UBE2D3: variants seen among roughly 807,000 people sequenced by gnomAD.
UBE2D3 encodes the protein ubiquitin conjugating enzyme E2 D3.
UBE2D3 carries 2 observed loss-of-function variants against 22.8 expected under a neutral mutation model. The ratio of observed to expected loss-of-function variants is 0.09; its 90% CI spans 0.04 to 0.28. UBE2D3 has a LOEUF of 0.28. UBE2D3 is among the 10% of genes least tolerant of loss of function. The pLI is 1.00. For missense variants in UBE2D3, 27 were observed against 182.5 expected (o/e 0.15, Z 4.91); for synonymous variants, 56 against 60.4 (o/e 0.93, Z 0.34).
intron 6 of UBE2D3, among the ~76,000 whole-genome samples, chr4:102,801,124 G>A (rs1726090667): frequency 6.6e-6 from 1 of 151,844 alleles, no homozygotes; most frequent in Non-Finnish European, 1.5e-5. Context: ...TACCATTCTT[G>A]GTAAAAAGGC....
Position 102,826,581 on chromosome 4 carries a change from C to G in UBE2D3, c.-73G>C. 6.2e-7 allele frequency: 1 copy of G among 1,605,054 alleles called. No individual in the cohort carries two copies. The highest frequency in any genetic ancestry group is 1.1e-5 in the South Asian group (1 of 90,972). The stretch of plus-strand genomic sequence containing the variant: ...AGGTCCGGCCAAAACTCTTGATTAT[C>G]CCGGCGGCGGGGCAGGATTGTCTCG... On this transcript the variant is annotated 5_prime_UTR_variant, in exon 2 of 8. Coordinates refer to ENST00000453744, the MANE Select transcript of UBE2D3 (RefSeq NM_181891.3).
chr4:102,835,116 C>T (rs116683486), intron 1 of UBE2D3, among the ~76,000 whole-genome samples: 1,568 of 152,270 alleles, frequency 0.01, 34 homozygotes, highest in African/African-American at 0.035. Context: ...GAAGAAGCCT[C>T]ATTATGAGTA....
In UBE2D3 at chr4:102,868,743, A is replaced by G. The variant is rs774886186; in HGVS notation, c.-157T>C. On this transcript the variant is annotated 5_prime_UTR_variant, in exon 1 of 8. Transcript: ENST00000338145. ...TGAAAGGCACTTTCGGTTAGAAAGC[A>G]TTCTCACATGCTTATCTCATCGCAC... is the stretch of plus-strand genomic sequence containing the variant. 8 of 1,613,974 alleles carry G rather than the reference A, an allele frequency of 5.0e-6. No individual in the cohort carries two copies. In the Admixed American group the frequency reaches 5.0e-5, roughly 10 times the overall value.
Position 102,797,354 on chromosome 4 carries a change from G to C in UBE2D3, c.*61C>G. 7.1e-7 allele frequency: 1 copy of C among 1,415,406 alleles called. No homozygotes were observed. The highest frequency in any genetic ancestry group is 9.7e-7 in the Non-Finnish European group (1 of 1,032,750). The allele number at this position is 1,415,406 out of a possible 1,614,324, so 87.7% of individuals were successfully genotyped here. A position where few individuals can be genotyped will look rare whatever the true frequency, so the allele number is the denominator to read the frequency against. On this transcript the variant is annotated 3_prime_UTR_variant, in exon 8 of 8. Transcript: ENST00000453744. ...GCAGCCGGATAAGAAAATCAAAAAA[G>C]GAACAGTAATTTAAAGTTTATTCCA...
chr4:102,839,424 G>A (rs761936265), intron 1 of UBE2D3, among the ~76,000 whole-genome samples: 1 of 151,852 alleles, frequency 6.6e-6, no homozygotes, highest in Non-Finnish European at 1.5e-5. Flanking sequence ...GCCGCTTGCC[G>A]CCACACCCAG....
At chr4:102,865,178 C>A (rs1733087121) in intron 1 of UBE2D3, among the ~76,000 whole-genome samples, 1 of 152,050 alleles carries the variant, frequency 6.6e-6, no homozygotes, top group African/African-American at 2.4e-5. Context: ...TGACTACACC[C>A]AAACCAAATT....
intron 2 of UBE2D3, among the ~76,000 whole-genome samples, chr4:102,817,873 A>G (rs1469654834): frequency 2.0e-5 from 3 of 152,194 alleles, no homozygotes; most frequent in Non-Finnish European, 2.9e-5. Flanking sequence ...TTTTAAAAGT[A>G]ATTTTGTCTA....
chr4:102,827,189 GC>G, intron 1 of UBE2D3: 3 of 986,830 alleles, frequency 3.0e-6, no homozygotes, highest in Non-Finnish European at 3.6e-6. Context: ...CGCCCGCCCA[GC>G]CACCTCCACC....
chr4:102,810,395 A>T, intron 2 of UBE2D3: 3 of 135,462 alleles, frequency 2.2e-5, no homozygotes, highest in Non-Finnish European at 3.1e-5. Context: ...TAAACTCAGC[A>T]TCCATTTTTA....
At chr4:102,867,125 T>G (rs1157437015) in intron 1 of UBE2D3, among the ~76,000 whole-genome samples, 2 of 152,256 alleles carry the variant, frequency 1.3e-5, no homozygotes, top group African/African-American at 4.8e-5. Context: ...AAGTTTTACT[T>G]TAACAATTTT....
At chr4:102,834,189 C>T (rs1175324834) in intron 1 of UBE2D3, among the ~76,000 whole-genome samples, 2 of 152,126 alleles carry the variant, frequency 1.3e-5, no homozygotes, top group African/African-American at 2.4e-5. Flanking sequence ...TTCTTTTTCC[C>T]CCTTTTCTAC....
intron 2 of UBE2D3, among the ~76,000 whole-genome samples, chr4:102,813,755 GAAAT>G (rs1728398548): frequency 6.6e-6 from 1 of 152,172 alleles, no homozygotes. Flanking sequence ...AAGTTAAAAA[GAAAT>G]AAAGAATGTG....
chr4:102,820,032 T>C (rs1729349999), intron 2 of UBE2D3, among the ~76,000 whole-genome samples: 1 of 152,102 alleles, frequency 6.6e-6, no homozygotes, highest in Non-Finnish European at 1.5e-5. Context: ...GAAGAGATGA[T>C]AAAATGAGGT....
intron 4 of UBE2D3, among the ~76,000 whole-genome samples, chr4:102,803,197 G>A (rs763336720): frequency 1.3e-5 from 2 of 152,194 alleles, no homozygotes; most frequent in African/African-American, 2.4e-5. Flanking sequence ...GAGGCTTAAA[G>A]AACTTAGTCT....
chr4:102,834,134 C>G (rs1016684715), intron 1 of UBE2D3, among the ~76,000 whole-genome samples: 2 of 152,186 alleles, frequency 1.3e-5, no homozygotes, highest in Non-Finnish European at 2.9e-5. Context: ...TTACATTCCT[C>G]TCCACTGCCA....
At chr4:102,823,497 C>A (rs182256106) in intron 2 of UBE2D3, among the ~76,000 whole-genome samples, 76 of 152,264 alleles carry the variant, frequency 5.0e-4, no homozygotes, top group Admixed American at 1.0e-3. Flanking sequence ...GAAATAAAAA[C>A]CCTTACGAAA....
chr4:102,833,855 T>C (rs1216234724), intron 1 of UBE2D3, among the ~76,000 whole-genome samples: 1 of 152,164 alleles, frequency 6.6e-6, no homozygotes, highest in Non-Finnish European at 1.5e-5. Flanking sequence ...ATATTACACC[T>C]ATGAGAAAAT....
intron 1 of UBE2D3, among the ~76,000 whole-genome samples, chr4:102,852,058 G>A (rs964289864): frequency 2.9e-5 from 4 of 138,718 alleles, no homozygotes; most frequent in Admixed American, 2.2e-4. Context: ...TGTAACTATT[G>A]GCCCATGGGT....
chr4:102,814,151 A>G (rs376739592), intron 2 of UBE2D3, among the ~76,000 whole-genome samples: 17 of 152,232 alleles, frequency 1.1e-4, no homozygotes, highest in Non-Finnish European at 1.8e-4. Context: ...ACAGAAATTC[A>G]TATCGCAGTT....
Sources: gnomAD v4.1 joint callset for allele counts (sites outside exome capture counted in the v4.1 genomes callset) on GRCh38, gnomAD v4.1.1 for gene constraint, MANE v1.5 for transcripts, NCBI Gene and HGNC (gene_info 2026-07-23, HGNC 2026-07-21) for gene names.